The following GYPB variants were observed in gnomAD, a reference collection of about 807,000 sequenced individuals.
The protein encoded by GYPB is glycophorin-B.
In GYPB, 13 loss-of-function variants were observed where a neutral mutation model predicts 15.3. The observed-to-expected ratio is 0.85, with a 90% CI of 0.55 to 1.35. The LOEUF is 1.35. Ranked by LOEUF, GYPB falls within the 40% of genes most tolerant of loss-of-function variation. The pLI is 0.00. For synonymous variants in GYPB, 38 were observed against 36.9 expected (o/e 1.03, Z -0.11); for missense variants, 131 against 108.3 (o/e 1.21, Z -0.93).
chr4:144,002,133 A>T (rs1443619516), intron 1 of GYPB, among the ~76,000 whole-genome samples: 1 of 151,254 alleles, frequency 6.6e-6, no homozygotes, highest in Admixed American at 6.6e-5. Context: ...TATTTTATAA[A>T]ATTTTATAAA....
intron 1 of GYPB, among the ~76,000 whole-genome samples, chr4:144,009,517 T>C (rs1222875817): frequency 2.0e-5 from 3 of 150,392 alleles, no homozygotes; most frequent in African/African-American, 7.5e-5. Flanking sequence ...AGTATGACTA[T>C]GTTCCAATAA....
chr4:144,003,775 A>T (rs919938225), intron 1 of GYPB, among the ~76,000 whole-genome samples: 3 of 151,334 alleles, frequency 2.0e-5, no homozygotes, highest in Non-Finnish European at 4.4e-5. Flanking sequence ...GAAATTTTGT[A>T]CCGAAATGAA....
chr4:144,017,340 A>C (rs1728552741), intron 1 of GYPB, among the ~76,000 whole-genome samples: 1 of 149,086 alleles, frequency 6.7e-6, no homozygotes, highest in African/African-American at 2.5e-5. Flanking sequence ...TTCATAGCAA[A>C]AAAAAAAAAG....
chr4:144,003,313 G>A (rs956668330), intron 1 of GYPB, among the ~76,000 whole-genome samples: 17 of 150,608 alleles, frequency 1.1e-4, no homozygotes, highest in South Asian at 2.1e-4. Flanking sequence ...AAAAACATGC[G>A]GGAGCTTTGC....
At chr4:144,002,155 G>C (rs956108422) in intron 1 of GYPB, among the ~76,000 whole-genome samples, 13 of 151,038 alleles carry the variant, frequency 8.6e-5, no homozygotes, top group Non-Finnish European at 1.2e-4. Flanking sequence ...TCTTTAAATT[G>C]CAAAAGTAAT....
chr4:144,005,376 T>C (rs1180567789), intron 1 of GYPB, among the ~76,000 whole-genome samples: 1 of 151,950 alleles, frequency 6.6e-6, no homozygotes, highest in Non-Finnish European at 1.5e-5. Context: ...CAGCAAGCAT[T>C]GGGGCATATT....
rs373083408 is a variant in GYPB at position 143,999,468 on chromosome 4, A to G, written c.137-19T>C. ...GTTTCTCCTATAAAGCAAAATTTCA[A>G]TGTAAGTCCAAATAAGAAAGACATG... On this transcript the variant is annotated intron_variant, in intron 2 of 4. Transcript: ENST00000502664. 9 of 1,379,716 alleles carry G rather than the reference A, an allele frequency of 6.5e-6. No individual in the cohort carries two copies. Among genetic ancestry groups the G allele is most frequent in the Non-Finnish European group, 9.3e-6 (9 of 972,332 alleles). 85.5% of individuals were successfully genotyped at this position (1,379,716 alleles called of 1,614,324 possible).
chr4:144,019,234 G>A lies in GYPB; in HGVS notation c.37+17C>T, dbSNP rs756250208. On this transcript the variant is annotated intron_variant, in intron 1 of 4. Transcript: ENST00000502664. The stretch of plus-strand genomic sequence containing the variant: ...ATACCCAATATAACAGAACCAAGAT[G>A]AAATAAAATCACTTACCTGACAATA... 1 of 1,610,388 alleles carries A rather than the reference G, an allele frequency of 6.2e-7. No homozygotes were observed. The highest frequency in any genetic ancestry group is 8.5e-7 in the Non-Finnish European group (1 of 1,178,846).
At chr4:143,996,083 A>C (rs1727293099), downstream of GYPB, 4 of 1,294,178 alleles carry the variant, frequency 3.1e-6, no homozygotes, top group Non-Finnish European at 4.1e-6. Context: ...GAAATAACAA[A>C]TCATGACTAT....
intron 1 of GYPB, among the ~76,000 whole-genome samples, chr4:144,018,397 T>C (rs966044382): frequency 6.7e-6 from 1 of 149,772 alleles, no homozygotes; most frequent in African/African-American, 2.6e-5. Flanking sequence ...TGCTACAGAG[T>C]GCTCAGTAGA....
chr4:144,007,551 C>G (rs1180000914), intron 1 of GYPB, among the ~76,000 whole-genome samples: 1 of 151,500 alleles, frequency 6.6e-6, no homozygotes, highest in Non-Finnish European at 1.5e-5. Flanking sequence ...ATTGCTGAGA[C>G]AGCAGAGGTG....
At chr4:143,995,753 T>A (rs1489815176), downstream of GYPB, among the ~76,000 whole-genome samples, 6 of 151,502 alleles carry the variant, frequency 4.0e-5, no homozygotes, top group Non-Finnish European at 4.4e-5. Context: ...AGTAAGCCTA[T>A]CAAAAATCTG....
At chr4:144,005,183 C>T (rs1398869302) in intron 1 of GYPB, among the ~76,000 whole-genome samples, 3 of 152,070 alleles carry the variant, frequency 2.0e-5, no homozygotes, top group East Asian at 1.9e-4. Flanking sequence ...TCCAAATTGC[C>T]GACTTTACAG....
intron 1 of GYPB, among the ~76,000 whole-genome samples, chr4:144,011,880 C>CT (rs1389473498): frequency 1.3e-5 from 2 of 151,196 alleles, no homozygotes; most frequent in Non-Finnish European, 3.0e-5. Flanking sequence ...CTTTTGTGGT[C>CT]TTTTTCCTAG....
intron 4 of GYPB, among the ~76,000 whole-genome samples, chr4:143,996,714 G>C (rs947360620): frequency 2.0e-5 from 3 of 150,722 alleles, no homozygotes; most frequent in Non-Finnish European, 4.4e-5. Flanking sequence ...AGGCTGCAGT[G>C]AGCAGAGATT....
At chr4:143,999,485 A>T (rs7662277) in intron 2 of GYPB, 36 bp from the exon 3 acceptor site, 311,522 of 1,146,142 alleles carry the variant, frequency 0.27, 44,887 homozygotes, top group Middle Eastern at 0.36. Context: ...TCCAAATAAG[A>T]AAGACATGTG....
chr4:144,018,576 T>A (rs1728624154), intron 1 of GYPB, among the ~76,000 whole-genome samples: 1 of 151,260 alleles, frequency 6.6e-6, no homozygotes, highest in African/African-American at 2.5e-5. Flanking sequence ...AAAATCATGT[T>A]AATTTAAGAC....
intron 1 of GYPB, among the ~76,000 whole-genome samples, chr4:144,013,683 A>G (rs1186825527): frequency 7.3e-6 from 1 of 137,376 alleles, no homozygotes. Flanking sequence ...AAAACCAGAC[A>G]CCGCATATTC....
At chr4:144,002,628 G>A (rs1446779227) in intron 1 of GYPB, 10 of 1,286,818 alleles carry the variant, frequency 7.8e-6, no homozygotes, top group Non-Finnish European at 1.0e-5. Context: ...GTGCAGTGGA[G>A]TGGAGGTGGA....
Sources: allele counts gnomAD v4.1 joint callset (sites outside exome capture counted in the v4.1 genomes callset), GRCh38; gene constraint gnomAD v4.1.1; transcripts MANE v1.5; gene names NCBI Gene and HGNC (gene_info 2026-07-23, HGNC 2026-07-21).